The following DCHS2 variants were observed in gnomAD, a reference collection of about 807,000 sequenced individuals.
DCHS2 encodes protocadherin-23.
In DCHS2, 142 loss-of-function variants were observed where a neutral mutation model predicts 182.4. The observed-to-expected ratio is 0.78, with a 90% confidence interval of 0.68 to 0.89. The LOEUF (loss-of-function observed/expected upper bound fraction) is 0.89. DCHS2 is among the 40% of genes least tolerant of loss of function. The probability of loss-of-function intolerance (pLI) is 0.00; values close to 1 mark genes in which losing one functional copy is unlikely to be tolerated. For synonymous variants in DCHS2, 1,740 were observed against 1,663.3 expected (o/e 1.05, Z -1.12); for missense variants, 4,319 against 4,198.6 (o/e 1.03, Z -0.79).
intron 3 of DCHS2, chr4:154,343,593 C>A: frequency 6.6e-7 from 1 of 1,526,038 alleles, no homozygotes. Flanking sequence ...CATGAACCAA[C>A]CTCTGCTAGC....
intron 9 of DCHS2, among the ~76,000 whole-genome samples, chr4:154,319,469 C>G (rs1222869844): frequency 6.6e-6 from 1 of 151,286 alleles, no homozygotes; most frequent in Non-Finnish European, 1.5e-5. Flanking sequence ...TAAAAAAACT[C>G]CTACAACTAA....
At chr4:154,237,220 C>A in intron 19 of DCHS2, 61 bp from the exon 20 acceptor site, 1 of 1,513,058 alleles carries the variant, frequency 6.6e-7, no homozygotes. Context: ...TCCATTTAAT[C>A]GGCAGTTGAC....
chr4:154,232,853 T>A lies in DCHS2; in HGVS notation c.*1683A>T, dbSNP rs1250625452. On this transcript the variant is annotated 3_prime_UTR_variant, in exon 20 of 20. Coordinates refer to ENST00000357232, the MANE Select transcript of DCHS2 (RefSeq NM_001358235.2). ...TACTCCTAAAGGATTTTTCCTAGGATTTCAGGCTTATTCAAAAACCTTCAT... is the reference window on the plus strand; with the variant it reads ...TACTCCTAAAGGATTTTTCCTAGGAATTCAGGCTTATTCAAAAACCTTCAT... 5 of 152,114 alleles carry A rather than the reference T, an allele frequency of 3.3e-5. No individual in the cohort carries two copies. In the South Asian group the frequency reaches 1.0e-3, roughly 31 times the overall value. 9.4% of individuals were successfully genotyped at this position (152,114 alleles called of 1,614,324 possible). A position where few individuals can be genotyped will look rare whatever the true frequency, so the allele number is the denominator to read the frequency against.
At chr4:154,295,333 T>A (rs143266428) in intron 13 of DCHS2, among the ~76,000 whole-genome samples, 215 of 152,350 alleles carry the variant, frequency 1.4e-3, no homozygotes, top group African/African-American at 5.1e-3. Context: ...TAGATAATGC[T>A]CATTCCAATG....
intron 13 of DCHS2, among the ~76,000 whole-genome samples, chr4:154,294,151 C>T (rs1191079276): frequency 3.9e-5 from 6 of 152,174 alleles, no homozygotes; most frequent in Non-Finnish European, 8.8e-5. Flanking sequence ...TACTGGTAAT[C>T]ATGATGGTGA....
chr4:154,320,107 A>T (rs1183035440), intron 9 of DCHS2, among the ~76,000 whole-genome samples: 1 of 152,204 alleles, frequency 6.6e-6, no homozygotes, highest in African/African-American at 2.4e-5. Flanking sequence ...AAACTCCATT[A>T]TTCCATTTAC....
intron 1 of DCHS2, among the ~76,000 whole-genome samples, chr4:154,447,591 A>G (rs1005448439): frequency 1.3e-5 from 2 of 152,172 alleles, no homozygotes; most frequent in African/African-American, 4.8e-5. Flanking sequence ...ACTGAATTTC[A>G]AACTATTTTT....
chr4:154,254,827 A>C (rs908936789), intron 16 of DCHS2, among the ~76,000 whole-genome samples: 2 of 151,460 alleles, frequency 1.3e-5, no homozygotes, highest in Non-Finnish European at 1.5e-5. Context: ...ACAGAATAAG[A>C]CTCTGTCTCA....
Position 154,491,173 on chromosome 4 carries a change from G to T in DCHS2, c.183C>A (p.Gly61=), listed in dbSNP as rs1376813163. ...LVHVWLWAAS[G]SSAQLFNLTL... is the part of the protein sequence containing the mutation. Reference sequence around the variant, plus strand: ...TGAGGTTGAACAACTGGGCAGAGGAGCCCGAGGCCGCCCACAGCCACACGT... The same window carrying T: ...TGAGGTTGAACAACTGGGCAGAGGATCCCGAGGCCGCCCACAGCCACACGT... Residue 61 remains glycine (G), a synonymous_variant, in exon 1 of 20, where the codon GGC becomes GGA. Coordinates refer to ENST00000357232, the MANE Select transcript of DCHS2 (RefSeq NM_001358235.2). 1.3e-6 allele frequency: 2 copies of T among 1,551,276 alleles called. No individual in the cohort carries two copies. Among genetic ancestry groups the T allele is most frequent in the Non-Finnish European group, 1.7e-6 (2 of 1,146,872 alleles).
intron 1 of DCHS2, chr4:154,384,354 C>CT (rs1488376944): frequency 1.2e-6 from 2 of 1,610,988 alleles, no homozygotes; most frequent in African/African-American, 2.7e-5. Context: ...CATGCACCAC[C>CT]TGACTGACCT....
intron 3 of DCHS2, among the ~76,000 whole-genome samples, chr4:154,354,013 G>A (rs748672561): frequency 8.6e-5 from 13 of 151,938 alleles, no homozygotes; most frequent in South Asian, 2.1e-4. Flanking sequence ...TGCACCCTCC[G>A]CGTCCTGGGC....
At chr4:154,277,662 T>C (rs1578900400) in intron 13 of DCHS2, among the ~76,000 whole-genome samples, 1 of 144,128 alleles carries the variant, frequency 6.9e-6, no homozygotes, top group Non-Finnish European at 1.5e-5. Flanking sequence ...ATAAGGAATA[T>C]GGAGAAACAA....
chr4:154,241,897 T>C (rs1731843283), intron 17 of DCHS2, among the ~76,000 whole-genome samples: 1 of 152,172 alleles, frequency 6.6e-6, no homozygotes, highest in Non-Finnish European at 1.5e-5. Context: ...TGTGAGAGGT[T>C]ATGGTTGTAA....
Position 154,314,785 on chromosome 4 carries a change from G to A in DCHS2, c.5260+963C>T, listed in dbSNP as rs560124013. On this transcript the variant is annotated intron_variant, in intron 10 of 19. Coordinates refer to ENST00000357232, the MANE Select transcript of DCHS2 (RefSeq NM_001358235.2). Reference sequence around the variant, plus strand: ...ATACAAACGTAAATTTTAAAAGACCGGATTATTAAGGTGAACTAACACGAA... The same window carrying A: ...ATACAAACGTAAATTTTAAAAGACCAGATTATTAAGGTGAACTAACACGAA... 1.6e-4 allele frequency among the ~76,000 whole-genome samples: 25 copies of A among 151,896 alleles called. No individual in the cohort carries two copies. The South Asian group carries it at 2.7e-3, about 16-fold the overall frequency.
At chr4:154,368,740 C>A (rs1320728394) in intron 2 of DCHS2, among the ~76,000 whole-genome samples, 4 of 152,140 alleles carry the variant, frequency 2.6e-5, no homozygotes, top group Non-Finnish European at 1.5e-5. Context: ...CTCAGGTGAT[C>A]CACCCACCTT....
chr4:154,282,399 G>A (rs556262913), intron 13 of DCHS2, among the ~76,000 whole-genome samples: 64 of 151,714 alleles, frequency 4.2e-4, no homozygotes, highest in African/African-American at 1.4e-3. Flanking sequence ...CTCCAAAGAC[G>A]ATATCCAAAC....
chr4:154,242,238 C>A (rs1231814828), intron 17 of DCHS2, among the ~76,000 whole-genome samples: 1 of 152,158 alleles, frequency 6.6e-6, no homozygotes, highest in Admixed American at 6.6e-5. Context: ...CAATAAACAT[C>A]TAATTCACTT....
At chr4:154,352,570 A>G (rs1251353238) in intron 3 of DCHS2, 1 of 152,240 alleles carries the variant, frequency 6.6e-6, no homozygotes, top group African/African-American at 2.4e-5. Context: ...ACACAGACAG[A>G]TAATTTATAT....
intron 1 of DCHS2, among the ~76,000 whole-genome samples, chr4:154,388,979 G>T (rs1171820992): frequency 6.6e-6 from 1 of 152,118 alleles, no homozygotes; most frequent in Non-Finnish European, 1.5e-5. Context: ...GAGTCACAGG[G>T]CTGAAGGCAT....
Sources: gnomAD v4.1 joint callset for allele counts (sites outside exome capture counted in the v4.1 genomes callset) on GRCh38, gnomAD v4.1.1 for gene constraint, MANE v1.5 for transcripts, NCBI Gene and HGNC (gene_info 2026-07-23, HGNC 2026-07-21) for gene names.